The following ME3 variants were observed in gnomAD, a reference collection of about 807,000 sequenced individuals.
ME3 encodes the protein NADP-dependent malic enzyme, mitochondrial.
Under a neutral mutation model 68.9 loss-of-function variants are expected in ME3, and 48 were observed. The ratio of observed to expected loss-of-function variants is 0.70; its 90% confidence interval spans 0.55 to 0.89. The LOEUF is 0.89. Ranked by LOEUF, ME3 falls within the 40% of genes least tolerant of loss-of-function variation. The probability of loss-of-function intolerance (pLI) is 0.00; values close to 1 mark genes in which losing one functional copy is unlikely to be tolerated. For synonymous variants in ME3, 320 were observed against 318.8 expected, an observed-to-expected ratio of 1.00 and a Z score of -0.04; for missense variants, 675 against 797.4, an observed-to-expected ratio of 0.85 and a Z score of 1.85.
intron 4 of ME3, among the ~76,000 whole-genome samples, chr11:86,537,034 G>C (rs1042302967): frequency 1.4e-5 from 2 of 147,244 alleles, no homozygotes; most frequent in Non-Finnish European, 3.0e-5. Flanking sequence ...ACTATCGGAA[G>C]AACAAAAAAC....
At chr11:86,599,121 G>GA (rs1960127750) in intron 2 of ME3, among the ~76,000 whole-genome samples, 1 of 152,244 alleles carries the variant, frequency 6.6e-6, no homozygotes, top group African/African-American at 2.4e-5. Context: ...GACGAGTTGA[G>GA]AGAAGAAGGC....
chr11:86,619,261 TAA>T (rs554851348), intron 2 of ME3, among the ~76,000 whole-genome samples: 307 of 152,362 alleles, frequency 2.0e-3, no homozygotes, highest in Non-Finnish European at 3.6e-3. Context: ...AACAGCCTAA[TAA>T]AGTTTCTAAA....
intron 4 of ME3, among the ~76,000 whole-genome samples, chr11:86,525,257 TAGTG>T (rs1954648264): frequency 6.6e-6 from 1 of 152,094 alleles, no homozygotes; most frequent in Non-Finnish European, 1.5e-5. Context: ...ATATGAAAAG[TAGTG>T]AGCACAATGC....
chr11:86,489,377 T>C (rs1951866056), intron 6 of ME3, among the ~76,000 whole-genome samples: 2 of 152,282 alleles, frequency 1.3e-5, no homozygotes, highest in South Asian at 4.2e-4. Flanking sequence ...TGGAAAAATA[T>C]ATATGAAAGA....
intron 9 of ME3, 48 bp downstream of exon 9, chr11:86,450,253 T>G (rs1391871085): frequency 1.3e-6 from 2 of 1,568,368 alleles, no homozygotes; most frequent in Non-Finnish European, 1.8e-6. Flanking sequence ...TTCCACCCAT[T>G]CTTATTCTCT....
At chr11:86,501,539 CCTCT>C (rs1484342604) in intron 5 of ME3, among the ~76,000 whole-genome samples, 5 of 152,208 alleles carry the variant, frequency 3.3e-5, no homozygotes, top group South Asian at 4.1e-4. Context: ...CTCCTACTGT[CCTCT>C]CTAAGTAGAT....
intron 4 of ME3, among the ~76,000 whole-genome samples, chr11:86,527,313 G>C (rs1396977047): frequency 6.6e-6 from 1 of 152,054 alleles, no homozygotes; most frequent in African/African-American, 2.4e-5. Flanking sequence ...GAAGTTTAGA[G>C]AAAAAAGAAT....
At chr11:86,526,390 C>A (rs185430573) in intron 4 of ME3, among the ~76,000 whole-genome samples, 216 of 152,296 alleles carry the variant, frequency 1.4e-3, no homozygotes, top group Non-Finnish European at 2.1e-3. Context: ...CTGGGTGGAG[C>A]CCACTGCAGC....
intron 4 of ME3, among the ~76,000 whole-genome samples, chr11:86,552,423 CA>C (rs1956737953): frequency 6.6e-6 from 1 of 152,136 alleles, no homozygotes; most frequent in South Asian, 2.1e-4. Flanking sequence ...TTGTAGAATC[CA>C]GTGTGAGCAA....
downstream of ME3, chr11:86,436,985 A>T (rs1226629177): frequency 6.6e-6 from 1 of 152,158 alleles, no homozygotes; most frequent in African/African-American, 2.4e-5. Flanking sequence ...GATATGTTGC[A>T]TAGTGGTGAA....
intron 2 of ME3, among the ~76,000 whole-genome samples, chr11:86,614,687 C>T (rs185412946): frequency 6.6e-6 from 1 of 152,190 alleles, no homozygotes; most frequent in Admixed American, 6.5e-5. Context: ...TTTTCATAGT[C>T]TCTCAAAGCT....
intron 4 of ME3, among the ~76,000 whole-genome samples, chr11:86,535,099 C>G (rs892712327): frequency 1.3e-5 from 2 of 152,158 alleles, no homozygotes; most frequent in Non-Finnish European, 2.9e-5. Context: ...ACCTATTTAT[C>G]TTAATTATTT....
At chr11:86,600,851 T>G (rs2135113948) in intron 2 of ME3, among the ~76,000 whole-genome samples, 1 of 151,884 alleles carries the variant, frequency 6.6e-6, no homozygotes, top group Admixed American at 6.6e-5. Flanking sequence ...CCTGAATGAC[T>G]ACTGGGTACA....
chr11:86,459,208 A>G (rs1194347841), intron 8 of ME3, among the ~76,000 whole-genome samples: 1 of 152,226 alleles, frequency 6.6e-6, no homozygotes, highest in Non-Finnish European at 1.5e-5. Flanking sequence ...GAAAACTCAC[A>G]GAAGAGTGAC....
At chr11:86,543,334 G>A (rs949842467) in intron 4 of ME3, among the ~76,000 whole-genome samples, 5 of 152,144 alleles carry the variant, frequency 3.3e-5, no homozygotes, top group Admixed American at 6.5e-5. Flanking sequence ...TGGGCTAAAT[G>A]CCCCAATTAA....
Position 86,600,543 on chromosome 11 carries a change from C to T in ME3, c.184-40720G>A, listed in dbSNP as rs868153933. Among the ~76,000 whole-genome samples, 9 of 148,084 alleles carry T rather than the reference C, an allele frequency of 6.1e-5. 1 individual carries two copies. The highest frequency in any genetic ancestry group is 3.5e-3 in the Middle Eastern group (1 of 284). ...CCACTGTCAACATTAGACAGATGAA[C>T]GAGACAGAAAGTTAACAAGGATACC... On this transcript the variant is annotated intron_variant, in intron 2 of 14. Coordinates refer to ENST00000543262, the Ensembl canonical transcript of ME3.
chr11:86,529,489 C>A (rs1196029566), intron 4 of ME3, among the ~76,000 whole-genome samples: 2 of 152,166 alleles, frequency 1.3e-5, no homozygotes, highest in African/African-American at 2.4e-5. Flanking sequence ...AAGAGGGAAT[C>A]CTCCCTAACT....
chr11:86,660,023 A>T (rs1182669944), intron 2 of ME3, among the ~76,000 whole-genome samples: 1 of 152,200 alleles, frequency 6.6e-6, no homozygotes, highest in Non-Finnish European at 1.5e-5. Context: ...AACTTCCAGA[A>T]CTACTAGCTC....
At chr11:86,648,558 A>C (rs1945188937) in intron 2 of ME3, among the ~76,000 whole-genome samples, 1 of 152,000 alleles carries the variant, frequency 6.6e-6, no homozygotes, top group South Asian at 2.1e-4. Context: ...GGTTCTTTGG[A>C]AAGATTAACA....
Sources: gnomAD v4.1 joint callset for allele counts (sites outside exome capture counted in the v4.1 genomes callset) on GRCh38, gnomAD v4.1.1 for gene constraint, MANE v1.5 for transcripts, NCBI Gene and HGNC (gene_info 2026-07-23, HGNC 2026-07-21) for gene names.